Variants in NTM observed in about 807,000 individuals in gnomAD.
The protein encoded by NTM is neurotrimin.
Under a neutral mutation model 42.1 loss-of-function variants are expected in NTM, and 13 were observed. The observed-to-expected ratio is 0.31, with a 90% confidence interval of 0.20 to 0.49. NTM has a LOEUF of 0.49. Among genes scored for constraint, NTM ranks in the 20% least tolerant of loss-of-function variants. The pLI is 0.99. For missense variants in NTM, 373 were observed against 452.8 expected, an observed-to-expected ratio of 0.82 and a Z score of 1.60; for synonymous variants, 187 against 179.2, an observed-to-expected ratio of 1.04 and a Z score of -0.35.
At chr11:132,120,251 T>C (rs938740009) in intron 2 of NTM, among the ~76,000 whole-genome samples, 1 of 152,322 alleles carries the variant, frequency 6.6e-6, no homozygotes, top group African/African-American at 2.4e-5. Flanking sequence ...AGACGTTGTA[T>C]TGCTACAGTC....
chr11:132,046,710 A>G (rs932798283), intron 2 of NTM, among the ~76,000 whole-genome samples: 3 of 152,122 alleles, frequency 2.0e-5, no homozygotes, highest in African/African-American at 7.2e-5. Context: ...CCTGGGCAGC[A>G]TGTAGGATGG....
intron 1 of NTM, among the ~76,000 whole-genome samples, chr11:131,875,091 C>T (rs1282429847): frequency 6.6e-5 from 10 of 152,176 alleles, no homozygotes; most frequent in Admixed American, 5.2e-4. Context: ...GTTCACTGCG[C>T]CTTGGAAAAG....
chr11:131,750,313 G>A (rs2082325680), intron 1 of NTM, among the ~76,000 whole-genome samples: 1 of 152,172 alleles, frequency 6.6e-6, no homozygotes, highest in African/African-American at 2.4e-5. Context: ...TCTAAGTTAT[G>A]GCCTTCAGTC....
intron 3 of NTM, among the ~76,000 whole-genome samples, chr11:132,196,957 T>G (rs1232622345): frequency 1.9e-4 from 29 of 151,914 alleles, no homozygotes; most frequent in Admixed American, 1.8e-3. Context: ...AAAAAGAAAA[T>G]AAAAAGCATC....
chr11:132,078,719 G>T (rs190153409), intron 2 of NTM, among the ~76,000 whole-genome samples: 171 of 152,264 alleles, frequency 1.1e-3, no homozygotes, highest in African/African-American at 3.9e-3. Context: ...TTAATTTTTA[G>T]ATGCATTCAA....
At chr11:132,021,284 T>G (rs1447615266) in intron 2 of NTM, among the ~76,000 whole-genome samples, 1 of 152,180 alleles carries the variant, frequency 6.6e-6, no homozygotes, top group Non-Finnish European at 1.5e-5. Context: ...TTGTCATATA[T>G]TCCTTTAATT....
chr11:131,485,481 G>C (rs562991626), intron 1 of NTM, among the ~76,000 whole-genome samples: 1 of 152,280 alleles, frequency 6.6e-6, no homozygotes, highest in South Asian at 2.1e-4. Flanking sequence ...TTCGAGGTGA[G>C]GTCAAAAGAC....
intron 1 of NTM, among the ~76,000 whole-genome samples, chr11:131,518,323 C>A (rs1463340312): frequency 6.6e-6 from 1 of 152,178 alleles, no homozygotes; most frequent in East Asian, 1.9e-4. Context: ...TACCCCAGGG[C>A]TCCCTCTAAG....
chr11:132,325,500 TAAAATGTCAGGAAAC>T (rs1424805459), intron 7 of NTM, among the ~76,000 whole-genome samples: 2 of 152,048 alleles, frequency 1.3e-5, no homozygotes, highest in Non-Finnish European at 2.9e-5. Context: ...TGGCAATCAT[TAAAATGTCAGGAAAC>T]AACAGGTGCT....
intron 1 of NTM, among the ~76,000 whole-genome samples, chr11:131,583,682 G>A (rs2058612356): frequency 6.6e-6 from 1 of 152,162 alleles, no homozygotes; most frequent in Non-Finnish European, 1.5e-5. Context: ...AAAGGGAGAG[G>A]GAGGCTGAAT....
chr11:131,831,497 T>C (rs1282320385), intron 1 of NTM, among the ~76,000 whole-genome samples: 1 of 152,144 alleles, frequency 6.6e-6, no homozygotes, highest in Non-Finnish European at 1.5e-5. Context: ...CTGGGTCACA[T>C]GTGCATTCTA....
At chr11:131,711,573 C>T (rs1044281726) in intron 1 of NTM, among the ~76,000 whole-genome samples, 35 of 152,174 alleles carry the variant, frequency 2.3e-4, no homozygotes, top group Admixed American at 9.2e-4. Context: ...GTCAGTGTGG[C>T]GATTCCTCAG....
intron 1 of NTM, among the ~76,000 whole-genome samples, chr11:131,444,203 C>CAAAAAAAAAAAAAA (rs71475757): frequency 6.1e-5 from 3 of 49,514 alleles, no homozygotes; most frequent in Non-Finnish European, 1.1e-4. Flanking sequence ...AGGTTAGAAC[C>CAAAAAAAAAAAAAA]AAAAAAAAAA....
chr11:131,680,401 GT>G (rs2072275410), intron 1 of NTM, among the ~76,000 whole-genome samples: 2 of 142,060 alleles, frequency 1.4e-5, no homozygotes, highest in South Asian at 2.3e-4. Context: ...GTGTGTGTGC[GT>G]CTGTGTAGGC....
chr11:131,775,551 C>G (rs2135956311), intron 1 of NTM, among the ~76,000 whole-genome samples: 1 of 152,220 alleles, frequency 6.6e-6, no homozygotes, highest in East Asian at 1.9e-4. Context: ...TCCTGCATGT[C>G]CCTCTTCCCT....
chr11:131,797,536 A>T (rs1239007655), intron 1 of NTM, among the ~76,000 whole-genome samples: 2 of 152,202 alleles, frequency 1.3e-5, no homozygotes. Context: ...CTAGTTGATG[A>T]CCCACTCTGG....
intron 2 of NTM, among the ~76,000 whole-genome samples, chr11:132,095,367 T>A (rs2060841756): frequency 6.6e-6 from 1 of 151,876 alleles, no homozygotes; most frequent in Non-Finnish European, 1.5e-5. Flanking sequence ...CAGGAACCCT[T>A]TCATCCACTG....
At chr11:131,615,837 C>T (rs750920598) in intron 1 of NTM, among the ~76,000 whole-genome samples, 1 of 152,200 alleles carries the variant, frequency 6.6e-6, no homozygotes, top group Non-Finnish European at 1.5e-5. Flanking sequence ...AGGGAGCTTA[C>T]TGAGTCACTG....
chr11:131,812,482 C>T (rs926964835), intron 1 of NTM, among the ~76,000 whole-genome samples: 3 of 152,124 alleles, frequency 2.0e-5, no homozygotes, highest in Non-Finnish European at 4.4e-5. Context: ...GCCTGCCTTG[C>T]CTTCTCTCCA....
Sources: allele counts gnomAD v4.1 joint callset (sites outside exome capture counted in the v4.1 genomes callset), GRCh38; gene constraint gnomAD v4.1.1; transcripts MANE v1.5; gene names NCBI Gene and HGNC (gene_info 2026-07-23, HGNC 2026-07-21).